The following CENPE variants were observed in gnomAD, a reference collection of about 807,000 sequenced individuals.
CENPE encodes centromere-associated protein E.
Under a neutral mutation model 336.1 loss-of-function variants are expected in CENPE, and 145 were observed. The ratio of observed to expected loss-of-function variants is 0.43; its 90% CI spans 0.38 to 0.50. CENPE has a LOEUF of 0.50. Ranked by LOEUF, CENPE falls within the 20% of genes least tolerant of loss-of-function variation. CENPE has a pLI of 0.00. For missense variants in CENPE, 2,719 were observed against 3,023.3 expected (o/e 0.90, Z 2.36); for synonymous variants, 1,013 against 984.8 (o/e 1.03, Z -0.54).
intron 42 of CENPE, among the ~76,000 whole-genome samples, chr4:103,131,281 A>G (rs1751569220): frequency 6.6e-6 from 1 of 152,220 alleles, no homozygotes; most frequent in Non-Finnish European, 1.5e-5. Flanking sequence ...TAAGGGCAAC[A>G]GACCTGAACA....
Position 103,195,248 on chromosome 4 carries a change from A to G in CENPE, c.358-15T>C, listed in dbSNP as rs768095668. On this transcript the variant is annotated splice_polypyrimidine_tract_variant and intron_variant, in intron 4 of 48. Coordinates refer to ENST00000265148, the MANE Select transcript of CENPE (RefSeq NM_001813.3). ...CTATCAGGAAACTAGAAGAAAAAAA[A>G]TTATATAAAAACACCAGGAAGCATC... 8 of 1,564,082 alleles carry G rather than the reference A, an allele frequency of 5.1e-6. No homozygotes were observed. Among genetic ancestry groups the G allele is most frequent in the Non-Finnish European group, 6.9e-6 (8 of 1,162,450 alleles).
rs1003028478 is a variant in CENPE, at chr4:103,158,815, C to G, written c.2673G>C (p.Gln891His). 1.9e-6 allele frequency: 3 copies of G among 1,612,964 alleles called. No individual in the cohort carries two copies. In the African/African-American group the frequency reaches 4.0e-5, roughly 22 times the overall value. The change falls in exon 23 of 49, where the codon CAG becomes CAC. Residue 891 changes from glutamine (Q) to histidine (H), a missense_variant. This residue lies in a region of CENPE where 2,437 missense variants were observed against 2,513.3 expected (regional missense o/e 0.97). Transcript: ENST00000265148. ...EVQERLNEME[Q>H]LKEQLENRDS... ...CTCTATTTTCTAATTGTTCCTTCAG[C>G]TGTTCCATCTCATTTAGTCTTTCTT...
chr4:103,139,304 A>G lies in CENPE; in HGVS notation c.6204+485T>C, dbSNP rs1578587478. On this transcript the variant is annotated intron_variant, in intron 38 of 48. Coordinates refer to ENST00000265148, the MANE Select transcript of CENPE (RefSeq NM_001813.3). Reference sequence around the variant, plus strand: ...CTGTTACTTTCAAAAAGAGGATTTAATTAGATATTTTAAGATATATGATTC... The same window carrying G: ...CTGTTACTTTCAAAAAGAGGATTTAGTTAGATATTTTAAGATATATGATTC... Among the ~76,000 whole-genome samples, 4 of 152,326 alleles carry G rather than the reference A, an allele frequency of 2.6e-5. 1 individual carries two copies. The South Asian group carries it at 8.3e-4, about 32-fold the overall frequency.
rs1162247759 is a variant in CENPE at position 103,191,439 on chromosome 4, A to G, written c.693+2790T>C. ...GTAGACTGGATTAAGAAAATGTGGC[A>G]CATATACACCATGAAATTCTATGCA... On this transcript the variant is annotated intron_variant, in intron 8 of 48. Coordinates refer to ENST00000265148, the MANE Select transcript of CENPE (RefSeq NM_001813.3). 7.9e-5 allele frequency among the ~76,000 whole-genome samples: 12 copies of G among 152,348 alleles called. 1 individual carries two copies. Among genetic ancestry groups the G allele is most frequent in the Admixed American group, 3.3e-4 (5 of 15,302 alleles).
Position 103,192,931 on chromosome 4 carries a change from A to ATT in CENPE, c.693+1296_693+1297dup, listed in dbSNP as rs780024766. On this transcript the variant is annotated intron_variant, in intron 8 of 48. Coordinates refer to ENST00000265148, the MANE Select transcript of CENPE (RefSeq NM_001813.3). ...CCTCCAAGTTTTTTTTTTTTTAATT[A>ATT]TTTTTTTAGGAGGGTAGGGAAAAAG... Among the ~76,000 whole-genome samples the ATT allele has an allele frequency of 2.7e-5, 4 of 150,650 alleles. No homozygotes were observed. In the South Asian group the frequency reaches 8.4e-4, roughly 32 times the overall value.
chr4:103,118,146 C>T (rs149645130), intron 44 of CENPE, among the ~76,000 whole-genome samples: 5 of 152,240 alleles, frequency 3.3e-5, no homozygotes, highest in African/African-American at 4.8e-5. Context: ...TAAGAAACTG[C>T]GAAACCATCT....
At chr4:103,187,905 ATG>A (rs1756940173) in intron 8 of CENPE, among the ~76,000 whole-genome samples, 2 of 152,312 alleles carry the variant, frequency 1.3e-5, no homozygotes, top group East Asian at 1.9e-4. Flanking sequence ...AACCCATCTC[ATG>A]TGCAGAGACA....
At position 103,144,571 on chromosome 4, in the gene CENPE, A is replaced by G. The variant is rs1385470467; in HGVS notation, c.4905T>C (p.Ala1635=). ...ACATTTTCTCCTGAGTCTCATTGAC[A>G]GCTGTCATCTTAAGAAACTGATATT... is the stretch of plus-strand genomic sequence containing the variant. ...EKEYQFLKMT[A]VNETQEKMCE... The change falls in exon 33 of 49, where the codon GCT becomes GCC. Residue 1635 remains alanine, a synonymous_variant. Transcript: ENST00000265148. The G allele has an allele frequency of 8.1e-6, 13 of 1,612,490 alleles. No homozygotes were observed. The highest frequency in any genetic ancestry group is 1.0e-5 in the Non-Finnish European group (12 of 1,179,226).
At chr4:103,182,677 A>T (rs1428757244) in intron 11 of CENPE, 85 bp downstream of exon 11, 2 of 1,184,728 alleles carry the variant, frequency 1.7e-6, no homozygotes, top group African/African-American at 3.1e-5. Context: ...TAATTAAAAA[A>T]AACTATGCTT....
intron 16 of CENPE, among the ~76,000 whole-genome samples, chr4:103,173,532 A>G (rs1407111106): frequency 9.0e-6 from 1 of 111,366 alleles, no homozygotes; most frequent in Non-Finnish European, 2.2e-5. Flanking sequence ...AAGGCAAAGG[A>G]AATCATCAAT....
chr4:103,186,287 A>T (rs1756760411), intron 8 of CENPE, among the ~76,000 whole-genome samples: 1 of 152,124 alleles, frequency 6.6e-6, no homozygotes, highest in Admixed American at 6.6e-5. Flanking sequence ...CTAATGTTCT[A>T]TTCTGTCCTT....
rs376206950 is a variant in CENPE at position 103,115,376 on chromosome 4, T to C, written c.7443-824A>G. 3.3e-5 allele frequency among the ~76,000 whole-genome samples: 5 copies of C among 152,222 alleles called. No individual in the cohort carries two copies. The South Asian group carries it at 1.0e-3, about 32-fold the overall frequency. ...CTCAAATTCCTGACCTCAGGTGATC[T>C]GCCTGCCTCAGCCTCCCAAAGTGCT... On this transcript the variant is annotated intron_variant, in intron 45 of 48. Transcript: ENST00000265148.
chr4:103,109,895 T>C (rs1749237939), intron 47 of CENPE, among the ~76,000 whole-genome samples: 2 of 152,272 alleles, frequency 1.3e-5, no homozygotes, highest in African/African-American at 4.8e-5. Flanking sequence ...CCATGTAATC[T>C]GAATCTAGTT....
Position 103,139,889 on chromosome 4 carries a change from C to T in CENPE, c.6104G>A (p.Arg2035Lys). The T allele has an allele frequency of 6.2e-7, 1 of 1,613,216 alleles. No individual in the cohort carries two copies. Among genetic ancestry groups the T allele is most frequent in the Non-Finnish European group, 8.5e-7 (1 of 1,179,526 alleles). The change falls in exon 38 of 49, where the codon AGA becomes AAA. Residue 2035 changes from arginine (R) to lysine (K), a missense_variant. Arg to Lys is a conservative substitution (Grantham distance 26). Coordinates refer to ENST00000265148, the MANE Select transcript of CENPE (RefSeq NM_001813.3). The part of the protein sequence containing the change: ...KKLHESLEEI[R>K]IVAKERDELR... ...CTCATCTCTTTCTTTAGCTACAATT[C>T]TTATTTCTTCAAGGCTTTCATGAAG...
chr4:103,165,478 A>G (rs1754824592), intron 16 of CENPE, among the ~76,000 whole-genome samples: 1 of 152,152 alleles, frequency 6.6e-6, no homozygotes, highest in African/African-American at 2.4e-5. Context: ...CTTTAGGAAA[A>G]CCAGGGAAAT....
At chr4:103,126,981 A>G (rs536891100) in intron 42 of CENPE, among the ~76,000 whole-genome samples, 1 of 152,170 alleles carries the variant, frequency 6.6e-6, no homozygotes, top group African/African-American at 2.4e-5. Flanking sequence ...CAGAAGGTGA[A>G]CAGAAAAAGA....
At chr4:103,130,646 G>A (rs1270485355) in intron 42 of CENPE, among the ~76,000 whole-genome samples, 1 of 152,066 alleles carries the variant, frequency 6.6e-6, no homozygotes, top group East Asian at 1.9e-4. Flanking sequence ...TGTGAATAGG[G>A]ACAAACTAAT....
intron 47 of CENPE, 110 bp from the exon 48 acceptor site, chr4:103,109,199 T>C: frequency 1.2e-6 from 1 of 834,808 alleles, no homozygotes; most frequent in Non-Finnish European, 1.7e-6. Flanking sequence ...ATATATAACA[T>C]AAAATGTACA....
intron 46 of CENPE, among the ~76,000 whole-genome samples, chr4:103,111,768 G>A (rs371110091): frequency 4.0e-5 from 6 of 151,804 alleles, no homozygotes; most frequent in East Asian, 1.9e-4. Context: ...AAGTTTTCTC[G>A]GTAGGTGCTG....
Sources: gnomAD v4.1 joint callset for allele counts (sites outside exome capture counted in the v4.1 genomes callset) on GRCh38, gnomAD v4.1.1 for gene constraint, gnomAD v4.1.1 regional missense constraint, MANE v1.5 for transcripts, NCBI Gene and HGNC (gene_info 2026-07-23, HGNC 2026-07-21) for gene names.